The following GMDS variants were observed in gnomAD, a reference collection of about 807,000 sequenced individuals.
The protein encoded by GMDS is GDP-mannose 4,6 dehydratase.
Under a neutral mutation model 49.9 loss-of-function variants are expected in GMDS, and 20 were observed. That is an observed-to-expected ratio of 0.40 (90% CI 0.28 to 0.58). The LOEUF (loss-of-function observed/expected upper bound fraction) is 0.58, where lower values mean the gene tolerates loss of function less well. Ranked by LOEUF, GMDS falls within the 20% of genes least tolerant of loss-of-function variation. The probability of loss-of-function intolerance (pLI) is 0.42; values close to 1 mark genes in which losing one functional copy is unlikely to be tolerated. For synonymous variants in GMDS, 177 were observed against 178.6 expected (o/e 0.99, Z 0.07); for missense variants, 362 against 481.4 (o/e 0.75, Z 2.32).
intron 1 of GMDS, among the ~76,000 whole-genome samples, chr6:2,174,516 C>A (rs1026840639): frequency 7.9e-5 from 12 of 152,108 alleles, no homozygotes; most frequent in Non-Finnish European, 1.6e-4. Context: ...AGAATAGCCA[C>A]AAACAGGAAT....
chr6:2,030,077 G>T (rs1445239784), intron 4 of GMDS, among the ~76,000 whole-genome samples: 1 of 145,958 alleles, frequency 6.9e-6, no homozygotes, highest in Non-Finnish European at 1.5e-5. Flanking sequence ...GAGGGAAGCG[G>T]GTGCCCACAC....
At chr6:2,167,388 T>G (rs1173651927) in intron 1 of GMDS, among the ~76,000 whole-genome samples, 1 of 152,182 alleles carries the variant, frequency 6.6e-6, no homozygotes, top group Non-Finnish European at 1.5e-5. Context: ...TAATCTCAAC[T>G]AGTATACTAG....
intron 1 of GMDS, among the ~76,000 whole-genome samples, chr6:2,184,111 A>C (rs1258972784): frequency 6.6e-6 from 1 of 152,140 alleles, no homozygotes; most frequent in African/African-American, 2.4e-5. Context: ...CAAATCTACA[A>C]TATCTCAGAG....
In GMDS at chr6:2,117,575, GA is replaced by G; in HGVS notation, c.148-20del. 7.2e-7 allele frequency: 1 copy of G among 1,393,210 alleles called. No homozygotes were observed. Among genetic ancestry groups the G allele is most frequent in the Non-Finnish European group, 1.0e-6 (1 of 978,794 alleles). The allele number at this position is 1,393,210 out of a possible 1,614,324, so 86.3% of individuals were successfully genotyped here. On this transcript the variant is annotated intron_variant, in intron 2 of 10. Transcript: ENST00000380815. ...CATGGACCTGAGTTTTTACAGTGTG[GA>G]AAGATAAATGTGCAATGAGGACTAA...
chr6:2,124,614 G>T, intron 2 of GMDS, 73 bp downstream of exon 2: 2 of 1,064,794 alleles, frequency 1.9e-6, no homozygotes, highest in Non-Finnish European at 2.9e-6. Flanking sequence ...GAGGACGGCA[G>T]CAGAGGAAGC....
At position 1,802,237 on chromosome 6, in the gene GMDS, T is replaced by C. The variant is rs564072061; in HGVS notation, c.772-59651A>G. Among the ~76,000 whole-genome samples, 114 of 152,366 alleles carry C rather than the reference T, an allele frequency of 7.5e-4. No homozygotes were observed. In the Middle Eastern group the frequency reaches 0.02, roughly 27 times the overall value. ...CATTTCCCATAAATTAATACTGTCCTAATGAATGTACAATTTTGCAGACAC... is the reference window on the plus strand; with the variant it reads ...CATTTCCCATAAATTAATACTGTCCCAATGAATGTACAATTTTGCAGACAC... On this transcript the variant is annotated intron_variant, in intron 7 of 10. Coordinates refer to ENST00000380815, the MANE Select transcript of GMDS (RefSeq NM_001500.4).
chr6:2,209,431 A>G (rs1456184131), intron 1 of GMDS, among the ~76,000 whole-genome samples: 2 of 152,176 alleles, frequency 1.3e-5, no homozygotes, highest in Non-Finnish European at 2.9e-5. Context: ...CTGCAGGGGG[A>G]GTAGTCCCGC....
chr6:1,896,421 T>G lies in GMDS; in HGVS notation c.771+33682A>C, dbSNP rs146289759. On this transcript the variant is annotated intron_variant, in intron 7 of 10. Coordinates refer to ENST00000380815, the MANE Select transcript of GMDS (RefSeq NM_001500.4). ...ATAACAAGAGGGAAGGACAAAGTCCTCACACGAAGGACCTCAAAGTCTGGC... is the reference window on the plus strand; with the variant it reads ...ATAACAAGAGGGAAGGACAAAGTCCGCACACGAAGGACCTCAAAGTCTGGC... Among the ~76,000 whole-genome samples the G allele has an allele frequency of 4.2e-4, 64 of 152,304 alleles. No individual in the cohort carries two copies. The East Asian group carries it at 0.011, about 25-fold the overall frequency.
intron 1 of GMDS, among the ~76,000 whole-genome samples, chr6:2,210,718 C>T (rs1012395836): frequency 4.6e-5 from 7 of 152,068 alleles, no homozygotes; most frequent in Admixed American, 6.5e-5. Flanking sequence ...TCTCTGGGCA[C>T]GGCACCTGGA....
intron 7 of GMDS, among the ~76,000 whole-genome samples, chr6:1,828,042 G>A (rs1233281490): frequency 6.6e-6 from 1 of 151,934 alleles, no homozygotes; most frequent in Admixed American, 6.6e-5. Context: ...GTAAGTCATG[G>A]ACAAAGACAG....
At chr6:1,968,804 T>C (rs1764412384) in intron 4 of GMDS, among the ~76,000 whole-genome samples, 1 of 151,948 alleles carries the variant, frequency 6.6e-6, no homozygotes, top group Non-Finnish European at 1.5e-5. Flanking sequence ...AAAGCTGGGG[T>C]AAATGAAAAA....
chr6:1,657,488 A>C (rs1476284457), intron 9 of GMDS, among the ~76,000 whole-genome samples: 2 of 152,224 alleles, frequency 1.3e-5, no homozygotes, highest in Non-Finnish European at 2.9e-5. Flanking sequence ...TGCCACAATA[A>C]AAATGTCAGT....
intron 7 of GMDS, among the ~76,000 whole-genome samples, chr6:1,886,265 G>A (rs1207160665): frequency 6.6e-6 from 1 of 152,048 alleles, no homozygotes; most frequent in Non-Finnish European, 1.5e-5. Flanking sequence ...TCTCAGTTGT[G>A]TAATTCTGTC....
chr6:1,975,447 C>T (rs1222438635), intron 4 of GMDS, among the ~76,000 whole-genome samples: 1 of 152,152 alleles, frequency 6.6e-6, no homozygotes, highest in Admixed American at 6.5e-5. Context: ...CACCTCCCAC[C>T]CCACTATAAT....
intron 4 of GMDS, among the ~76,000 whole-genome samples, chr6:2,058,230 T>C (rs1307728210): frequency 6.6e-6 from 1 of 151,266 alleles, no homozygotes; most frequent in Non-Finnish European, 1.5e-5. Context: ...TGGTGGCATG[T>C]ACCTGTAATT....
intron 1 of GMDS, among the ~76,000 whole-genome samples, chr6:2,164,630 T>C (rs1777570397): frequency 1.3e-5 from 2 of 152,186 alleles, no homozygotes; most frequent in African/African-American, 2.4e-5. Context: ...CCATCCCAAC[T>C]TTCGGCACCC....
intron 7 of GMDS, among the ~76,000 whole-genome samples, chr6:1,755,594 TGGA>T: frequency 6.6e-6 from 1 of 152,138 alleles, no homozygotes; most frequent in Middle Eastern, 3.2e-3. Flanking sequence ...AGAACAAAGC[TGGA>T]GGCATCACAC....
intron 7 of GMDS, among the ~76,000 whole-genome samples, chr6:1,877,508 T>C (rs1759132681): frequency 6.6e-6 from 1 of 151,784 alleles, no homozygotes. Context: ...CGTGACGGTG[T>C]GTCCCTTTAG....
intron 4 of GMDS, among the ~76,000 whole-genome samples, chr6:2,086,066 T>G (rs1256856747): frequency 1.3e-5 from 2 of 152,228 alleles, no homozygotes; most frequent in East Asian, 1.9e-4. Context: ...ATGGTCATGC[T>G]GGGGTTGCTC....
Sources: gnomAD v4.1 joint callset for allele counts (sites outside exome capture counted in the v4.1 genomes callset) on GRCh38, gnomAD v4.1.1 for gene constraint, MANE v1.5 for transcripts, NCBI Gene and HGNC (gene_info 2026-07-23, HGNC 2026-07-21) for gene names.